SH3KBP1: variants seen among roughly 807,000 people sequenced by gnomAD.
SH3KBP1 encodes SH3 domain containing kinase binding protein 1.
In SH3KBP1, 8 loss-of-function variants were observed where a neutral mutation model predicts 50.1. The ratio of observed to expected loss-of-function variants is 0.16; its 90% CI spans 0.09 to 0.29. The LOEUF is 0.29. SH3KBP1 is among the 10% of genes least tolerant of loss of function. The probability of loss-of-function intolerance (pLI) is 1.00; values close to 1 mark genes in which losing one functional copy is unlikely to be tolerated. For missense variants in SH3KBP1, 377 were observed against 535.2 expected, an observed-to-expected ratio of 0.70 and a Z score of 2.92; for synonymous variants, 227 against 218.6, an observed-to-expected ratio of 1.04 and a Z score of -0.34.
At chrX:19,584,583 T>C (rs745765339) in intron 12 of SH3KBP1, among the ~76,000 whole-genome samples, 37 of 110,420 alleles carry the variant, frequency 3.4e-4, no homozygotes, top group Non-Finnish European at 6.0e-4. Context: ...TCCTTCCACC[T>C]TGGTCTCCTA....
Position 19,709,969 on chromosome X carries a change from GA to G in SH3KBP1, c.287-2986del, listed in dbSNP as rs1404837282. Reference sequence around the variant, plus strand: ...TTTCAATAGCTCACATAAACTAAAGGAAAAAAACTTATGACTTGCCTATGCC... The same window carrying G: ...TTTCAATAGCTCACATAAACTAAAGGAAAAAACTTATGACTTGCCTATGCC... On this transcript the variant is annotated intron_variant, in intron 3 of 17. Coordinates refer to ENST00000397821, the MANE Select transcript of SH3KBP1 (RefSeq NM_031892.3). 2.7e-5 allele frequency among the ~76,000 whole-genome samples: 3 copies of G among 111,040 alleles called. No individual in the cohort carries two copies. In the East Asian group the frequency reaches 8.5e-4, roughly 31 times the overall value.
chrX:19,837,694 G>C (rs185207238), intron 1 of SH3KBP1, among the ~76,000 whole-genome samples: 214 of 110,235 alleles, frequency 1.9e-3, no homozygotes, highest in Non-Finnish European at 2.6e-3. Flanking sequence ...GCCCGCCTCG[G>C]CTTCCCAAAG....
intron 6 of SH3KBP1, among the ~76,000 whole-genome samples, chrX:19,673,862 C>A (rs1043233702): frequency 2.7e-5 from 3 of 111,390 alleles, no homozygotes; most frequent in African/African-American, 9.8e-5. Flanking sequence ...AGCCCCTGCA[C>A]CCCAGCCCAA....
chrX:19,759,310 T>C (rs1188357318), intron 2 of SH3KBP1, among the ~76,000 whole-genome samples: 1 of 111,635 alleles, frequency 9.0e-6, no homozygotes, highest in Non-Finnish European at 1.9e-5. Flanking sequence ...AAGACCGTTC[T>C]TGCTCTGAAA....
chrX:19,770,611 T>C (rs767607154), intron 2 of SH3KBP1, among the ~76,000 whole-genome samples: 1 of 111,781 alleles, frequency 8.9e-6, no homozygotes, highest in African/African-American at 3.3e-5. Flanking sequence ...CTTTGAGGAA[T>C]TGCCACACTG....
rs139857632 is a variant in SH3KBP1, at chrX:19,723,574, T to G, written c.287-16590A>C. Among the ~76,000 whole-genome samples the G allele has an allele frequency of 9.4e-3, 1,041 of 110,668 alleles. 6 individuals carry two copies. The highest frequency in any genetic ancestry group is 0.016 in the South Asian group (41 of 2,635). Reference sequence around the variant, plus strand: ...TGCATCTGCTTATGGTTCCTCCTAATATCTACACAGAGATCTGTAGGGATG... The same window carrying G: ...TGCATCTGCTTATGGTTCCTCCTAAGATCTACACAGAGATCTGTAGGGATG... On this transcript the variant is annotated intron_variant, in intron 3 of 17. Coordinates refer to ENST00000397821, the MANE Select transcript of SH3KBP1 (RefSeq NM_031892.3).
chrX:19,650,178 A>G (rs2062089108), intron 6 of SH3KBP1, among the ~76,000 whole-genome samples: 1 of 112,097 alleles, frequency 8.9e-6, no homozygotes, highest in Non-Finnish European at 1.9e-5. Context: ...AGCTATTATA[A>G]GAAGAAGATG....
intron 1 of SH3KBP1, among the ~76,000 whole-genome samples, chrX:19,875,467 G>A (rs1036128373): frequency 8.9e-6 from 1 of 112,368 alleles, no homozygotes; most frequent in African/African-American, 3.2e-5. Flanking sequence ...AGGAGGGCAG[G>A]GAAAATGAAT....
At chrX:19,618,385 C>CAAAAAAAAAA (rs1169013925) in intron 8 of SH3KBP1, among the ~76,000 whole-genome samples, 1 of 18,217 alleles carries the variant, frequency 5.5e-5, no homozygotes, top group African/African-American at 1.6e-4. Context: ...GACTCTGTCT[C>CAAAAAAAAAA]AAAAAAAAAA....
intron 8 of SH3KBP1, among the ~76,000 whole-genome samples, chrX:19,618,385 C>CAAA (rs1169013925): frequency 0.04 from 731 of 18,145 alleles, 102 homozygotes; most frequent in African/African-American, 0.11. Flanking sequence ...GACTCTGTCT[C>CAAA]AAAAAAAAAA....
intron 2 of SH3KBP1, among the ~76,000 whole-genome samples, chrX:19,789,403 A>G (rs1272506564): frequency 9.0e-6 from 1 of 111,225 alleles, no homozygotes; most frequent in Non-Finnish European, 1.9e-5. Flanking sequence ...CTAGGTTGCC[A>G]TAACAAAATA....
rs1280251055 is a variant in SH3KBP1 at position 19,541,966 on chromosome X, G to A, written c.1851C>T (p.Arg617=). The part of the protein sequence containing the change: ...AAVEELRTQV[R]ELRSIIETMK... ...TGGTCTCGATGATGCTCCTCAGCTC[G>A]CGGACCTGTGTCCTTAGCTCCTCCA... Residue 617 remains arginine (R), a synonymous_variant, in exon 16 of 18, where the codon CGC becomes CGT. Coordinates refer to ENST00000397821, the MANE Select transcript of SH3KBP1 (RefSeq NM_031892.3). 6.6e-6 allele frequency: 8 copies of A among 1,209,671 alleles called. No individual in the cohort carries two copies. The highest frequency in any genetic ancestry group is 2.3e-4 in the Middle Eastern group (1 of 4,352).
intron 1 of SH3KBP1, among the ~76,000 whole-genome samples, chrX:19,873,224 A>G (rs1187980069): frequency 9.5e-6 from 1 of 104,773 alleles, no homozygotes; most frequent in Admixed American, 1.0e-4. Context: ...ATATTCAGCT[A>G]CTAAAAACAC....
At chrX:19,784,351 A>T (rs748073659) in intron 2 of SH3KBP1, among the ~76,000 whole-genome samples, 40 of 112,023 alleles carry the variant, frequency 3.6e-4, no homozygotes, top group Admixed American at 2.8e-3. Flanking sequence ...CGATTAAGCT[A>T]AACTTAAAAT....
chrX:19,543,772 G>A (rs1156229478), intron 15 of SH3KBP1, among the ~76,000 whole-genome samples: 1 of 111,302 alleles, frequency 9.0e-6, no homozygotes, highest in Admixed American at 9.5e-5. Context: ...ACTGGCGGGG[G>A]AGGCCTGATG....
chrX:19,696,265 G>A (rs1328100384), intron 4 of SH3KBP1, among the ~76,000 whole-genome samples: 1 of 112,182 alleles, frequency 8.9e-6, no homozygotes, highest in Non-Finnish European at 1.9e-5. Context: ...TTGATAACTA[G>A]TTCAATATAA....
intron 12 of SH3KBP1, among the ~76,000 whole-genome samples, chrX:19,586,359 T>C (rs767686669): frequency 4.4e-5 from 5 of 112,626 alleles, no homozygotes; most frequent in East Asian, 5.6e-4. Context: ...ACGGAAATGT[T>C]TGTAGCCCCT....
rs1251250800 is a variant in SH3KBP1, at chrX:19,549,989, G to A, written c.1479C>T (p.Ser493=). The change falls in exon 14 of 18, where the codon TCC becomes TCT. Residue 493 remains serine (S), a synonymous_variant. Coordinates refer to ENST00000397821, the MANE Select transcript of SH3KBP1 (RefSeq NM_031892.3). ...RPKATGRRPP[S]QSLTSSSLSS... ...AGACACTTACAGATGTGAGGGACTG[G>A]GACGGAGGCCGCCTCCCTGTAGCTT... is the stretch of plus-strand genomic sequence containing the variant. The A allele has an allele frequency of 1.4e-5, 17 of 1,201,019 alleles. No individual in the cohort carries two copies. The highest frequency in any genetic ancestry group is 1.8e-5 in the Non-Finnish European group (16 of 886,241).
At chrX:19,808,860 G>A (rs1023399910) in intron 2 of SH3KBP1, among the ~76,000 whole-genome samples, 3 of 111,786 alleles carry the variant, frequency 2.7e-5, no homozygotes, top group Non-Finnish European at 5.6e-5. Context: ...GGAAGCGTGG[G>A]AGGGACATCT....
Sources: allele counts gnomAD v4.1 joint callset (sites outside exome capture counted in the v4.1 genomes callset), GRCh38; gene constraint gnomAD v4.1.1; transcripts MANE v1.5; gene names NCBI Gene and HGNC (gene_info 2026-07-23, HGNC 2026-07-21).